Variants in SGCD observed in about 807,000 individuals in gnomAD.
SGCD encodes the protein sarcoglycan delta.
In SGCD, 18 loss-of-function variants were observed where a neutral mutation model predicts 36.6. That is an observed-to-expected ratio of 0.49 (90% confidence interval 0.34 to 0.73). The LOEUF (loss-of-function observed/expected upper bound fraction) is 0.73. Ranked by LOEUF, SGCD falls within the 30% of genes least tolerant of loss-of-function variation. The pLI, the probability that SGCD is intolerant of heterozygous loss-of-function variation, is 0.01. For synonymous variants in SGCD, 133 were observed against 130.6 expected (o/e 1.02, Z -0.12); for missense variants, 387 against 346.7 (o/e 1.12, Z -0.92).
At chr5:156,645,318 G>T (rs1229160378) in intron 6 of SGCD, among the ~76,000 whole-genome samples, 1 of 152,098 alleles carries the variant, frequency 6.6e-6, no homozygotes, top group Non-Finnish European at 1.5e-5. Context: ...AGAGAGGATG[G>T]GATGGGGAAA....
chr5:156,423,411 A>ATATAT (rs1305100932), intron 3 of SGCD, among the ~76,000 whole-genome samples: 1 of 62,476 alleles, frequency 1.6e-5, no homozygotes, highest in Non-Finnish European at 3.6e-5. Context: ...TTATAATATA[A>ATATAT]TATATTATAT....
chr5:156,700,036 G>A (rs879579531), intron 7 of SGCD, among the ~76,000 whole-genome samples: 14 of 152,168 alleles, frequency 9.2e-5, no homozygotes, highest in African/African-American at 3.4e-4. Context: ...GTTGGAATGT[G>A]GAGGGTGGTC....
At chr5:156,402,239 A>T (rs1016049432) in intron 3 of SGCD, among the ~76,000 whole-genome samples, 2 of 152,172 alleles carry the variant, frequency 1.3e-5, no homozygotes, top group African/African-American at 4.8e-5. Context: ...ATGCACAAAT[A>T]TCTGTTGGAG....
At chr5:156,741,451 G>T (rs1756668890) in intron 7 of SGCD, among the ~76,000 whole-genome samples, 1 of 152,162 alleles carries the variant, frequency 6.6e-6, no homozygotes, top group Non-Finnish European at 1.5e-5. Context: ...AGTTTCCCAT[G>T]TTTCACAGGT....
intron 4 of SGCD, among the ~76,000 whole-genome samples, chr5:156,547,441 C>CTTT (rs398065337): frequency 6.7e-4 from 97 of 145,238 alleles, no homozygotes; most frequent in Non-Finnish European, 7.6e-4. Context: ...GATAATATGA[C>CTTT]TTTTTTTTTT....
In SGCD at chr5:156,049,881, T is replaced by A. The variant is rs900380527; in HGVS notation, c.-281-67997T>A. ...GTGGAACTAGCCAGAGAACTGGAAT[T>A]AGAAGTAGAGCCTGGAGCTGTGACT... On this transcript the variant is annotated intron_variant, in intron 1 of 9. Coordinates refer to the SGCD transcript ENST00000517913. Among the ~76,000 whole-genome samples, 9 of 146,156 alleles carry A rather than the reference T, an allele frequency of 6.2e-5. 1 individual carries two copies. Among genetic ancestry groups the A allele is most frequent in the African/African-American group, 1.2e-4 (5 of 40,618 alleles).
At chr5:156,147,505 T>C (rs1050679198) in intron 3 of SGCD, among the ~76,000 whole-genome samples, 2 of 152,228 alleles carry the variant, frequency 1.3e-5, no homozygotes, top group African/African-American at 4.8e-5. Flanking sequence ...TTTTTAAATT[T>C]TTTTCTTGTT....
chr5:156,700,527 T>C (rs1754486657), intron 7 of SGCD, among the ~76,000 whole-genome samples: 2 of 152,174 alleles, frequency 1.3e-5, no homozygotes, highest in African/African-American at 2.4e-5. Flanking sequence ...CTGCAATGAA[T>C]CTCATTCCTT....
chr5:156,459,977 A>G lies in SGCD; in HGVS notation c.193-48624A>G, dbSNP rs557301024. Among the ~76,000 whole-genome samples, 10 of 152,284 alleles carry G rather than the reference A, an allele frequency of 6.6e-5. No individual in the cohort carries two copies. The East Asian group carries it at 1.9e-3, about 29-fold the overall frequency. ...CTATTCAAATATGTGTCTTTATTGCATATGGCACCGCTATAATGAAAGCAA... is the reference window on the plus strand; with the variant it reads ...CTATTCAAATATGTGTCTTTATTGCGTATGGCACCGCTATAATGAAAGCAA... On this transcript the variant is annotated intron_variant, in intron 3 of 8. Transcript: ENST00000337851.
chr5:156,046,722 G>T (rs1399178931), intron 1 of SGCD, among the ~76,000 whole-genome samples: 4 of 151,862 alleles, frequency 2.6e-5, no homozygotes, highest in Admixed American at 2.6e-4. Context: ...CTATCTTCTT[G>T]GACCTTCCTG....
At chr5:156,627,978 A>G in intron 6 of SGCD, among the ~76,000 whole-genome samples, 1 of 152,148 alleles carries the variant, frequency 6.6e-6, no homozygotes. Flanking sequence ...TAAAGGAAAA[A>G]GGTTTAATTG....
At chr5:156,595,826 C>G (rs576749432) in intron 6 of SGCD, among the ~76,000 whole-genome samples, 3 of 152,302 alleles carry the variant, frequency 2.0e-5, no homozygotes, top group African/African-American at 7.2e-5. Context: ...GGTGAAAACA[C>G]TGAGAATTCG....
chr5:156,338,976 C>T (rs2127711873), intron 2 of SGCD, among the ~76,000 whole-genome samples: 1 of 152,074 alleles, frequency 6.6e-6, no homozygotes, highest in East Asian at 1.9e-4. Flanking sequence ...CTATGCAATC[C>T]CAGTTAGGAA....
intron 3 of SGCD, among the ~76,000 whole-genome samples, chr5:156,285,441 A>G (rs570241320): frequency 1.3e-5 from 2 of 152,350 alleles, no homozygotes; most frequent in African/African-American, 4.8e-5. Context: ...CGGCTACAGT[A>G]ACCAAAACAG....
intron 1 of SGCD, among the ~76,000 whole-genome samples, chr5:155,911,662 T>C (rs1334148203): frequency 6.6e-6 from 1 of 152,080 alleles, no homozygotes; most frequent in South Asian, 2.1e-4. Context: ...AATTCATTTG[T>C]TTGTGCCTGT....
chr5:156,693,451 T>G (rs1320449093), intron 7 of SGCD, among the ~76,000 whole-genome samples: 1 of 152,196 alleles, frequency 6.6e-6, no homozygotes, highest in African/African-American at 2.4e-5. Flanking sequence ...CCTCTATACC[T>G]TCTTTATGCT....
At chr5:156,448,536 T>C (rs943134160) in intron 3 of SGCD, among the ~76,000 whole-genome samples, 15 of 152,076 alleles carry the variant, frequency 9.9e-5, no homozygotes, top group African/African-American at 3.6e-4. Flanking sequence ...AAGCATAAGC[T>C]GGAAGGACTG....
chr5:155,762,292 T>C, the SGCD span, among the ~76,000 whole-genome samples: 2 of 152,166 alleles, frequency 1.3e-5, no homozygotes, highest in African/African-American at 4.8e-5. Context: ...TTAGGTTATC[T>C]ATCTGAAAAA....
At chr5:156,205,087 G>T (rs993626376) in intron 3 of SGCD, among the ~76,000 whole-genome samples, 1 of 152,078 alleles carries the variant, frequency 6.6e-6, no homozygotes, top group African/African-American at 2.4e-5. Context: ...GTGGTAAACT[G>T]CCCTTCCTCC....
Sources: gnomAD v4.1 joint callset for allele counts (sites outside exome capture counted in the v4.1 genomes callset) on GRCh38, gnomAD v4.1.1 for gene constraint, MANE v1.5 for transcripts, NCBI Gene and HGNC (gene_info 2026-07-23, HGNC 2026-07-21) for gene names.